The following ZMAT4 variants were observed in gnomAD, a reference collection of about 807,000 sequenced individuals.
The protein encoded by ZMAT4 is zinc finger matrin-type 4.
In ZMAT4, 17 loss-of-function variants were observed where a neutral mutation model predicts 28.7. The ratio of observed to expected loss-of-function variants is 0.59; its 90% CI spans 0.41 to 0.89. ZMAT4 has a LOEUF of 0.89. ZMAT4 is among the 40% of genes least tolerant of loss of function. The pLI, the probability that ZMAT4 is intolerant of heterozygous loss-of-function variation, is 0.00. For synonymous variants in ZMAT4, 117 were observed against 109.2 expected, an observed-to-expected ratio of 1.07 and a Z score of -0.44; for missense variants, 240 against 283.8, an observed-to-expected ratio of 0.85 and a Z score of 1.11.
At chr8:40,580,038 A>G (rs1328031075) in intron 6 of ZMAT4, among the ~76,000 whole-genome samples, 1 of 142,366 alleles carries the variant, frequency 7.0e-6, no homozygotes. Context: ...TTTGAGACGA[A>G]GTCCTGCTTT....
chr8:40,833,362 G>A (rs1195841861), intron 1 of ZMAT4, among the ~76,000 whole-genome samples: 2 of 152,008 alleles, frequency 1.3e-5, no homozygotes, highest in Non-Finnish European at 2.9e-5. Context: ...GAGGTCAGGA[G>A]TTCGAGACCA....
At chr8:40,628,233 C>A (rs1380162670) in intron 5 of ZMAT4, among the ~76,000 whole-genome samples, 1 of 152,084 alleles carries the variant, frequency 6.6e-6, no homozygotes, top group Non-Finnish European at 1.5e-5. Flanking sequence ...GATAGAGAGA[C>A]ATATTGATGT....
At position 40,742,104 on chromosome 8, in the gene ZMAT4, A is replaced by AAAACAAC; in HGVS notation, c.192+25536_192+25537insGTTGTTT. On this transcript the variant is annotated intron_variant, in intron 3 of 6. Transcript: ENST00000297737. ...AAATACAAAAAAAAACAAAAAACAAAAAACCAAGCTGGGTGTGGTTGCACC... is the reference window on the plus strand; with the variant it reads ...AAATACAAAAAAAAACAAAAAACAAAAAACAACAAACCAAGCTGGGTGTGGTTGCACC... Among the ~76,000 whole-genome samples, 3 of 151,616 alleles carry AAAACAAC rather than the reference A, an allele frequency of 2.0e-5. No individual in the cohort carries two copies. In the South Asian group the frequency reaches 6.3e-4, roughly 32 times the overall value.
At chr8:40,718,195 C>A (rs1384961686) in intron 3 of ZMAT4, among the ~76,000 whole-genome samples, 1 of 152,238 alleles carries the variant, frequency 6.6e-6, no homozygotes, top group Non-Finnish European at 1.5e-5. Context: ...CAGCATCCTG[C>A]ACTTCATAAC....
At chr8:40,600,472 C>T (rs181096849) in intron 5 of ZMAT4, among the ~76,000 whole-genome samples, 1 of 152,204 alleles carries the variant, frequency 6.6e-6, no homozygotes. Flanking sequence ...GCCCACATAG[C>T]CTTCTTACTC....
chr8:40,717,743 G>GA (rs1810919694), intron 3 of ZMAT4, among the ~76,000 whole-genome samples: 1 of 151,988 alleles, frequency 6.6e-6, no homozygotes, highest in South Asian at 2.1e-4. Flanking sequence ...TATATTTCTT[G>GA]AAAAAATACA....
intron 1 of ZMAT4, among the ~76,000 whole-genome samples, chr8:40,850,771 C>T (rs1009317964): frequency 6.6e-6 from 1 of 152,198 alleles, no homozygotes; most frequent in African/African-American, 2.4e-5. Flanking sequence ...CCTCTCCTTA[C>T]AGTCCGGCAG....
intron 1 of ZMAT4, among the ~76,000 whole-genome samples, chr8:40,830,638 C>T (rs1816247160): frequency 1.3e-5 from 2 of 152,150 alleles, no homozygotes; most frequent in South Asian, 4.1e-4. Flanking sequence ...CTGCAATGAA[C>T]ATGTAAGTGC....
At chr8:40,761,346 C>T (rs770923276) in intron 3 of ZMAT4, among the ~76,000 whole-genome samples, 12 of 151,908 alleles carry the variant, frequency 7.9e-5, no homozygotes, top group Non-Finnish European at 1.5e-4. Flanking sequence ...TTTGAAGGGC[C>T]CCTGCAAGTC....
chr8:40,563,337 T>C (rs1318869744), intron 6 of ZMAT4, among the ~76,000 whole-genome samples: 7 of 152,196 alleles, frequency 4.6e-5, no homozygotes, highest in South Asian at 4.1e-4. Context: ...TTTTCGTCTA[T>C]TAATTTGGTC....
intron 5 of ZMAT4, among the ~76,000 whole-genome samples, chr8:40,599,700 C>T (rs575317118): frequency 7.9e-5 from 12 of 152,336 alleles, no homozygotes; most frequent in East Asian, 1.9e-4. Flanking sequence ...TTCTTCCCCA[C>T]GGCTATGCCT....
At chr8:40,840,131 G>T (rs1816650389) in intron 1 of ZMAT4, among the ~76,000 whole-genome samples, 1 of 152,142 alleles carries the variant, frequency 6.6e-6, no homozygotes, top group African/African-American at 2.4e-5. Flanking sequence ...AGGAAGAAAT[G>T]CTTGCCTCTA....
intron 3 of ZMAT4, among the ~76,000 whole-genome samples, chr8:40,729,509 T>C (rs1307828839): frequency 6.6e-6 from 1 of 152,192 alleles, no homozygotes; most frequent in African/African-American, 2.4e-5. Context: ...TCTAAGTAGA[T>C]ACTAAATAAT....
intron 5 of ZMAT4, among the ~76,000 whole-genome samples, chr8:40,613,493 C>T (rs1805882777): frequency 6.6e-6 from 1 of 151,964 alleles, no homozygotes; most frequent in African/African-American, 2.4e-5. Context: ...CTCACCTGCC[C>T]ATTCAAATTG....
intron 6 of ZMAT4, among the ~76,000 whole-genome samples, chr8:40,567,142 T>C (rs973169219): frequency 1.3e-5 from 2 of 152,102 alleles, no homozygotes; most frequent in Non-Finnish European, 2.9e-5. Flanking sequence ...AGGCCGTAGA[T>C]AGAACTTTGA....
intron 2 of ZMAT4, chr8:40,808,558 G>A: frequency 2.2e-6 from 1 of 455,160 alleles, no homozygotes; most frequent in South Asian, 1.6e-5. Context: ...CATTCCCAGA[G>A]GAACTGCACC....
chr8:40,619,383 A>G (rs955655103), intron 5 of ZMAT4, among the ~76,000 whole-genome samples: 1 of 152,122 alleles, frequency 6.6e-6, no homozygotes, highest in African/African-American at 2.4e-5. Context: ...AAAGGCACAG[A>G]TTCTTTGGAT....
chr8:40,703,476 A>G (rs1252930718), intron 3 of ZMAT4, among the ~76,000 whole-genome samples: 1 of 152,228 alleles, frequency 6.6e-6, no homozygotes, highest in African/African-American at 2.4e-5. Flanking sequence ...AATCCATCAC[A>G]AAAGACCACA....
At chr8:40,616,536 C>T (rs7827324) in intron 5 of ZMAT4, among the ~76,000 whole-genome samples, 1 of 151,926 alleles carries the variant, frequency 6.6e-6, no homozygotes, top group African/African-American at 2.4e-5. Context: ...CACATATACA[C>T]CATGGAATAC....
Sources: allele counts gnomAD v4.1 joint callset (sites outside exome capture counted in the v4.1 genomes callset), GRCh38; gene constraint gnomAD v4.1.1; transcripts MANE v1.5; gene names NCBI Gene and HGNC (gene_info 2026-07-23, HGNC 2026-07-21).